Variants in PBX3 observed in about 807,000 individuals in gnomAD.
PBX3 encodes the protein PBX homeobox 3, also known as pre-B-cell leukemia transcription factor 3.
In PBX3, 14 loss-of-function variants were observed where a neutral mutation model predicts 48.5. That is an observed-to-expected ratio of 0.29 (90% CI 0.19 to 0.45). PBX3 has a LOEUF of 0.45. Ranked by LOEUF, PBX3 falls within the 20% of genes least tolerant of loss-of-function variation. The pLI is 1.00. For missense variants in PBX3, 386 were observed against 546.7 expected (o/e 0.71, Z 2.93); for synonymous variants, 210 against 200.3 (o/e 1.05, Z -0.41).
chr9:125,772,772 G>A (rs1018591641), intron 2 of PBX3, among the ~76,000 whole-genome samples: 1 of 152,152 alleles, frequency 6.6e-6, no homozygotes, highest in African/African-American at 2.4e-5. Flanking sequence ...ATCTCTTCGA[G>A]AAACATACTG....
rs369511204 is a variant in PBX3 at position 125,915,841 on chromosome 9, G to C, written c.430G>C (p.Asp144His). 4 of 1,614,090 alleles carry C rather than the reference G, an allele frequency of 2.5e-6. No homozygotes were observed. The highest frequency in any genetic ancestry group is 3.4e-6 in the Non-Finnish European group (4 of 1,180,000). ...AAAAASGGSS[D>H]NSIEHSDYRA... ...CGCGGCAGCCTCTGGAGGTTCTTCA[G>C]ATAACTCTATTGAACACTCAGATTA... The change falls in exon 3 of 9, where the codon GAT becomes CAT. Residue 144 changes from aspartate to histidine, a missense_variant. Transcript: ENST00000373489.
intron 2 of PBX3, among the ~76,000 whole-genome samples, chr9:125,762,710 C>G (rs571105186): frequency 6.6e-6 from 1 of 152,308 alleles, no homozygotes. Context: ...TTGCATTATT[C>G]TGCAGTAGCA....
intron 2 of PBX3, among the ~76,000 whole-genome samples, chr9:125,763,974 CTTT>C (rs926000324): frequency 6.6e-6 from 1 of 152,150 alleles, no homozygotes; most frequent in African/African-American, 2.4e-5. Flanking sequence ...ATCACACATT[CTTT>C]TCTTCACTTG....
At chr9:125,770,070 C>CA (rs1242184349) in intron 2 of PBX3, among the ~76,000 whole-genome samples, 5 of 152,172 alleles carry the variant, frequency 3.3e-5, no homozygotes, top group African/African-American at 1.2e-4. Context: ...AAGGCTTCTA[C>CA]AAGCAAGTGA....
chr9:125,878,363 T>C (rs1348831574), intron 2 of PBX3, among the ~76,000 whole-genome samples: 2 of 152,220 alleles, frequency 1.3e-5, no homozygotes, highest in East Asian at 3.8e-4. Context: ...AGATGACATT[T>C]GGTGCTCACA....
chr9:125,949,501 T>C (rs1304549573), intron 5 of PBX3: 2 of 1,549,932 alleles, frequency 1.3e-6, no homozygotes, highest in Non-Finnish European at 1.7e-6. Context: ...GTGTGTCTGT[T>C]CTTAGTCTCT....
At chr9:125,937,130 A>G (rs1481244167) in intron 5 of PBX3, among the ~76,000 whole-genome samples, 1 of 152,214 alleles carries the variant, frequency 6.6e-6, no homozygotes, top group Non-Finnish European at 1.5e-5. Context: ...AAACAATTCT[A>G]TAGTATATGC....
At chr9:125,929,303 C>T (rs1225742225) in intron 3 of PBX3, among the ~76,000 whole-genome samples, 1 of 152,136 alleles carries the variant, frequency 6.6e-6, no homozygotes, top group African/African-American at 2.4e-5. Context: ...TGTAAAACTC[C>T]AGAGAAAATA....
Position 125,810,129 on chromosome 9 carries a change from A to T in PBX3, c.274+61506A>T, listed in dbSNP as rs546445302. Among the ~76,000 whole-genome samples, 10 of 152,292 alleles carry T rather than the reference A, an allele frequency of 6.6e-5. No homozygotes were observed. In the South Asian group the frequency reaches 2.1e-3, roughly 32 times the overall value. ...TATACAAAGTGCACACATCTCAAACATCTATTAGCTACCTGAAGTAGTTGA... is the reference window on the plus strand; with the variant it reads ...TATACAAAGTGCACACATCTCAAACTTCTATTAGCTACCTGAAGTAGTTGA... On this transcript the variant is annotated intron_variant, in intron 2 of 8. Coordinates refer to ENST00000373489, the MANE Select transcript of PBX3 (RefSeq NM_006195.6).
chr9:125,914,341 GA>G (rs1358482028), intron 2 of PBX3, among the ~76,000 whole-genome samples: 9 of 152,164 alleles, frequency 5.9e-5, no homozygotes, highest in African/African-American at 2.2e-4. Context: ...AATTTTAAAT[GA>G]AAGTGACAGC....
chr9:125,805,857 A>C (rs576832587), intron 2 of PBX3, among the ~76,000 whole-genome samples: 1 of 152,334 alleles, frequency 6.6e-6, no homozygotes, highest in African/African-American at 2.4e-5. Context: ...AATATTTATT[A>C]AGGTTCTGTG....
chr9:125,875,304 ATAATG>A (rs1322605101), intron 2 of PBX3, among the ~76,000 whole-genome samples: 1 of 152,100 alleles, frequency 6.6e-6, no homozygotes, highest in Non-Finnish European at 1.5e-5. Context: ...CATTAGTACT[ATAATG>A]TAAGCACTTT....
chr9:125,889,961 C>G (rs963134799), intron 2 of PBX3, among the ~76,000 whole-genome samples: 5 of 151,536 alleles, frequency 3.3e-5, no homozygotes, highest in African/African-American at 1.2e-4. Context: ...CGGCTGCGCC[C>G]CGCTGTAGCA....
At chr9:125,835,476 G>A (rs767083436) in intron 2 of PBX3, among the ~76,000 whole-genome samples, 13 of 151,714 alleles carry the variant, frequency 8.6e-5, no homozygotes, top group Non-Finnish European at 1.9e-4. Flanking sequence ...AATTGACAAG[G>A]GATTAATAAC....
At chr9:125,939,807 C>G (rs553751982) in intron 5 of PBX3, among the ~76,000 whole-genome samples, 1 of 152,062 alleles carries the variant, frequency 6.6e-6, no homozygotes, top group Admixed American at 6.5e-5. Flanking sequence ...GGAGAATACA[C>G]GTAACATAAC....
At chr9:125,906,704 A>G (rs1841080341) in intron 2 of PBX3, among the ~76,000 whole-genome samples, 1 of 151,980 alleles carries the variant, frequency 6.6e-6, no homozygotes, top group African/African-American at 2.4e-5. Context: ...ATTTCTCCCC[A>G]TTGGTTGTTT....
chr9:125,780,402 C>T (rs1271641548), intron 2 of PBX3, among the ~76,000 whole-genome samples: 25 of 83,348 alleles, frequency 3.0e-4, no homozygotes, highest in African/African-American at 1.2e-3. Context: ...GGCGGCTGGC[C>T]GGGCGGGGGG....
intron 5 of PBX3, among the ~76,000 whole-genome samples, chr9:125,936,218 A>G (rs1841832656): frequency 6.6e-6 from 1 of 152,142 alleles, no homozygotes; most frequent in South Asian, 2.1e-4. Flanking sequence ...TCTAACAAAA[A>G]TACATTTAGT....
chr9:125,918,187 T>C (rs1425996772), intron 3 of PBX3, among the ~76,000 whole-genome samples: 2 of 152,246 alleles, frequency 1.3e-5, no homozygotes, highest in Non-Finnish European at 2.9e-5. Flanking sequence ...TTACTACCTC[T>C]TGCCATGTGT....
Sources: gnomAD v4.1 joint callset for allele counts (sites outside exome capture counted in the v4.1 genomes callset) on GRCh38, gnomAD v4.1.1 for gene constraint, MANE v1.5 for transcripts, NCBI Gene and HGNC (gene_info 2026-07-23, HGNC 2026-07-21) for gene names.